RAB11FIP4: variants seen among roughly 807,000 people sequenced by gnomAD.
RAB11FIP4 encodes rab11 family-interacting protein 4.
RAB11FIP4 carries 23 observed loss-of-function variants against 74.3 expected under a neutral mutation model. That is an observed-to-expected ratio of 0.31 (90% CI 0.22 to 0.44). The LOEUF is 0.44. RAB11FIP4 is among the 20% of genes least tolerant of loss of function. RAB11FIP4 has a pLI of 1.00. For synonymous variants in RAB11FIP4, 360 were observed against 359.9 expected (o/e 1.00, Z 0.00); for missense variants, 630 against 863.9 (o/e 0.73, Z 3.39).
At chr17:31,465,688 G>C (rs1229212519) in intron 3 of RAB11FIP4, 3 of 152,044 alleles carry the variant, frequency 2.0e-5, no homozygotes, top group African/African-American at 4.8e-5. Flanking sequence ...CTGGGAGCAG[G>C]GGACCACAGT....
chr17:31,416,101 C>A (rs535511886), intron 1 of RAB11FIP4, among the ~76,000 whole-genome samples: 1 of 152,224 alleles, frequency 6.6e-6, no homozygotes, highest in African/African-American at 2.4e-5. Flanking sequence ...CCCGCTCTCT[C>A]GGCATGCGAC....
chr17:31,405,847 G>A (rs2071036967), intron 1 of RAB11FIP4, among the ~76,000 whole-genome samples: 1 of 152,106 alleles, frequency 6.6e-6, no homozygotes, highest in Admixed American at 6.5e-5. Context: ...TGCCTGGTGT[G>A]AGCTATCGTG....
In RAB11FIP4 at chr17:31,534,059, G is replaced by C. The variant is rs1003201455; in HGVS notation, c.*2327G>C. 1 of 152,212 alleles carries C rather than the reference G, an allele frequency of 6.6e-6. No individual in the cohort carries two copies. The highest frequency in any genetic ancestry group is 6.5e-5 in the Admixed American group (1 of 15,280). The allele number at this position is 152,212 out of a possible 1,614,324, so 9.4% of individuals were successfully genotyped here. On this transcript the variant is annotated 3_prime_UTR_variant, in exon 15 of 15. Coordinates refer to ENST00000621161, the MANE Select transcript of RAB11FIP4 (RefSeq NM_032932.6). ...GCTCAAAAGCTAGCTTGAGGGGGCA[G>C]ATGCCCCAGGTGTCCCAGCTCCACA...
At chr17:31,406,065 T>C (rs1333875683) in intron 1 of RAB11FIP4, among the ~76,000 whole-genome samples, 3 of 152,200 alleles carry the variant, frequency 2.0e-5, no homozygotes, top group Non-Finnish European at 4.4e-5. Context: ...CTGGGCCAGC[T>C]GGTCAACCCC....
chr17:31,398,545 C>A (rs2070953477), intron 1 of RAB11FIP4, among the ~76,000 whole-genome samples: 1 of 152,156 alleles, frequency 6.6e-6, no homozygotes, highest in African/African-American at 2.4e-5. Flanking sequence ...AAGAATCAGC[C>A]CTTCCCATCA....
intron 1 of RAB11FIP4, among the ~76,000 whole-genome samples, chr17:31,423,944 C>T (rs1001867724): frequency 1.3e-5 from 2 of 152,128 alleles, no homozygotes; most frequent in African/African-American, 4.8e-5. Flanking sequence ...CTGCCACCAC[C>T]TAACCTTTGG....
rs563230948 is a variant in RAB11FIP4 at position 31,432,864 on chromosome 17, C to T, written c.247+964C>T. On this transcript the variant is annotated intron_variant, in intron 2 of 14. Coordinates refer to ENST00000621161, the MANE Select transcript of RAB11FIP4 (RefSeq NM_032932.6). ...GAGGGCCAGGCACGGTGGCTCACAC[C>T]TATAGTCTCAGCACTTTTTGGGAGG... 2.6e-5 allele frequency among the ~76,000 whole-genome samples: 4 copies of T among 152,262 alleles called. No individual in the cohort carries two copies. The East Asian group carries it at 7.7e-4, about 29-fold the overall frequency.
At chr17:31,524,227 T>G in intron 9 of RAB11FIP4, 1 of 504,410 alleles carries the variant, frequency 2.0e-6, no homozygotes, top group South Asian at 2.3e-5. Flanking sequence ...CAATGGATTC[T>G]ACCCCCTGAG....
intron 10 of RAB11FIP4, chr17:31,526,402 C>T (rs2072767725): frequency 6.6e-6 from 1 of 152,216 alleles, no homozygotes; most frequent in Non-Finnish European, 1.5e-5. Flanking sequence ...TTCCCAGAGT[C>T]CTGCCGTATG....
At chr17:31,458,190 A>T (rs7502433) in intron 3 of RAB11FIP4, among the ~76,000 whole-genome samples, 128,107 of 152,180 alleles carry the variant, frequency 0.84, 54,166 homozygotes, top group Non-Finnish European at 0.85. Flanking sequence ...TTGCCTCAGA[A>T]TGCGGGCTGA....
intron 1 of RAB11FIP4, among the ~76,000 whole-genome samples, chr17:31,396,014 T>C (rs1022147481): frequency 2.0e-5 from 3 of 151,618 alleles, no homozygotes; most frequent in African/African-American, 7.3e-5. Context: ...AGACCCCCCA[T>C]CTCTACAAAA....
At position 31,430,352 on chromosome 17, in the gene RAB11FIP4, ATTTTT is replaced by A. The variant is rs56078412; in HGVS notation, c.160-1442_160-1438del. ...TTGTGGGCCGTGTTGTGGAGTTTGGATTTTTTTTTTTTTTTTTTTTTTTGAGACAG... is the reference window on the plus strand; with the variant it reads ...TTGTGGGCCGTGTTGTGGAGTTTGGATTTTTTTTTTTTTTTTTTGAGACAG... On this transcript the variant is annotated intron_variant, in intron 1 of 14. Coordinates refer to ENST00000621161, the MANE Select transcript of RAB11FIP4 (RefSeq NM_032932.6). Among the ~76,000 whole-genome samples, 366 of 111,760 alleles carry A rather than the reference ATTTTT, an allele frequency of 3.3e-3. 1 individual carries two copies. Among genetic ancestry groups the A allele is most frequent in the African/African-American group, 0.013 (346 of 25,962 alleles). The allele number at this position is 111,760 out of a possible 152,430, so 73.3% of individuals were successfully genotyped here.
chr17:31,399,586 G>A (rs1324166111), intron 1 of RAB11FIP4, among the ~76,000 whole-genome samples: 3 of 151,710 alleles, frequency 2.0e-5, no homozygotes, highest in African/African-American at 7.3e-5. Context: ...GGTGGCATGC[G>A]CCTGTAGTCC....
In RAB11FIP4 at chr17:31,463,409, T is replaced by A. The variant is rs904422130; in HGVS notation, c.336+29287T>A. ...GCCCTGGCGTGTGGTGGGCACTAGA[T>A]CAGAGTTAGTTGGGGTCGTTGAGGG... is the stretch of plus-strand genomic sequence containing the variant. On this transcript the variant is annotated intron_variant, in intron 3 of 14. Transcript: ENST00000621161. Among the ~76,000 whole-genome samples, 9 of 152,108 alleles carry A rather than the reference T, an allele frequency of 5.9e-5. No homozygotes were observed. In the East Asian group the frequency reaches 1.7e-3, roughly 29 times the overall value.
intron 3 of RAB11FIP4, among the ~76,000 whole-genome samples, chr17:31,441,570 C>G (rs1048340738): frequency 6.6e-6 from 1 of 151,806 alleles, no homozygotes; most frequent in African/African-American, 2.4e-5. Context: ...TCTTATTGCC[C>G]AGGCTGGAGT....
At chr17:31,435,860 C>T (rs1310202998) in intron 3 of RAB11FIP4, among the ~76,000 whole-genome samples, 1 of 152,244 alleles carries the variant, frequency 6.6e-6, no homozygotes, top group African/African-American at 2.4e-5. Context: ...GGCTGCTGTG[C>T]TCAAAGCAAG....
At chr17:31,424,604 C>A (rs1019472597) in intron 1 of RAB11FIP4, among the ~76,000 whole-genome samples, 2 of 135,532 alleles carry the variant, frequency 1.5e-5, no homozygotes, top group Admixed American at 8.3e-5. Flanking sequence ...GAGGCGGAGT[C>A]TCGCTCTGTT....
intron 3 of RAB11FIP4, among the ~76,000 whole-genome samples, chr17:31,464,559 C>A (rs1179573283): frequency 6.6e-6 from 1 of 151,998 alleles, no homozygotes; most frequent in African/African-American, 2.4e-5. Context: ...TCAAGCGATT[C>A]TCCTGCCTCA....
intron 3 of RAB11FIP4, among the ~76,000 whole-genome samples, chr17:31,448,837 C>T (rs907409008): frequency 5.3e-5 from 8 of 152,128 alleles, no homozygotes; most frequent in Non-Finnish European, 5.9e-5. Flanking sequence ...TTGAGTCAAA[C>T]GGGCTGAGTG....
Sources: allele counts gnomAD v4.1 joint callset (sites outside exome capture counted in the v4.1 genomes callset), GRCh38; gene constraint gnomAD v4.1.1; transcripts MANE v1.5; gene names NCBI Gene and HGNC (gene_info 2026-07-23, HGNC 2026-07-21).